RSBN1L: variants seen among roughly 807,000 people sequenced by gnomAD.
RSBN1L encodes round spermatid basic protein 1 like, also known as lysine-specific demethylase RSBN1L.
In RSBN1L, 30 loss-of-function variants were observed where a neutral mutation model predicts 67.7. The observed-to-expected ratio is 0.44, with a 90% CI of 0.33 to 0.60. RSBN1L has a LOEUF of 0.60. Ranked by LOEUF, RSBN1L falls within the 20% of genes least tolerant of loss-of-function variation. RSBN1L has a pLI of 0.02. For missense variants in RSBN1L, 992 were observed against 1,031.7 expected (o/e 0.96, Z 0.53); for synonymous variants, 433 against 387.0 (o/e 1.12, Z -1.39).
At chr7:77,700,143 C>T (rs186751277) in intron 1 of RSBN1L, among the ~76,000 whole-genome samples, 9 of 152,164 alleles carry the variant, frequency 5.9e-5, no homozygotes, top group African/African-American at 1.2e-4. Context: ...TTAGTGCTTA[C>T]GGAGGTAATT....
In RSBN1L at chr7:77,782,167, T is replaced by C. The variant is rs1415969918; in HGVS notation, c.*2999T>C. 5.3e-5 allele frequency: 8 copies of C among 152,170 alleles called. No homozygotes were observed. The highest frequency in any genetic ancestry group is 2.9e-5 in the Non-Finnish European group (2 of 68,034). 9.4% of individuals were successfully genotyped at this position (152,170 alleles called of 1,614,324 possible). A position where few individuals can be genotyped will look rare whatever the true frequency, so the allele number is the denominator to read the frequency against. ...ACCTTTGTTACATGCAAAAATTTTC[T>C]ATTTTAATATTGCATTATATTAATG... On this transcript the variant is annotated 3_prime_UTR_variant, in exon 8 of 8. Coordinates refer to ENST00000334955, the MANE Select transcript of RSBN1L (RefSeq NM_198467.3).
intron 1 of RSBN1L, among the ~76,000 whole-genome samples, chr7:77,712,306 G>A (rs1584276554): frequency 6.7e-6 from 1 of 148,568 alleles, no homozygotes; most frequent in Admixed American, 6.7e-5. Flanking sequence ...TTTTTGAGAC[G>A]GAGTTTCGCT....
chr7:77,736,095 C>A (rs3815222), intron 1 of RSBN1L, among the ~76,000 whole-genome samples: 15,423 of 152,080 alleles, frequency 0.1, 1,102 homozygotes, highest in African/African-American at 0.19. Flanking sequence ...ACTTTTCCAT[C>A]GTAGCTTTTG....
At chr7:77,751,242 C>T (rs1168884401) in intron 3 of RSBN1L, among the ~76,000 whole-genome samples, 6 of 152,148 alleles carry the variant, frequency 3.9e-5, no homozygotes, top group East Asian at 1.9e-4. Context: ...CGGGTTCAAG[C>T]GATTCTCCTG....
Position 77,782,273 on chromosome 7 carries a change from A to T in RSBN1L, c.*3105A>T, listed in dbSNP as rs1193431359. 6.6e-6 allele frequency: 1 copy of T among 152,208 alleles called. No homozygotes were observed. Among genetic ancestry groups the T allele is most frequent in the Non-Finnish European group, 1.5e-5 (1 of 68,036 alleles). 9.4% of individuals were successfully genotyped at this position (152,208 alleles called of 1,614,324 possible). A position where few individuals can be genotyped will look rare whatever the true frequency, so the allele number is the denominator to read the frequency against. On this transcript the variant is annotated 3_prime_UTR_variant, in exon 8 of 8. Coordinates refer to ENST00000334955, the MANE Select transcript of RSBN1L (RefSeq NM_198467.3). ...CAGTTTCTTGGACCAGAACAATAAA[A>T]TACATAAGACATCGTTTCTATATGG...
chr7:77,763,297 T>C (rs920669063), intron 3 of RSBN1L, among the ~76,000 whole-genome samples: 1 of 152,096 alleles, frequency 6.6e-6, no homozygotes, highest in Non-Finnish European at 1.5e-5. Flanking sequence ...ACTTTTTAGA[T>C]ATATTTCAAA....
At chr7:77,711,840 T>C (rs1029512056) in intron 1 of RSBN1L, among the ~76,000 whole-genome samples, 3 of 152,198 alleles carry the variant, frequency 2.0e-5, no homozygotes, top group African/African-American at 7.2e-5. Context: ...TATAGAATTA[T>C]GAGTGAAAAC....
At position 77,696,680 on chromosome 7, in the gene RSBN1L, CCGCCGGCAGCACCTT is replaced by C. The variant is rs758140589; in HGVS notation, c.216_230del (p.Ala73_Pro77del). 3.7e-6 allele frequency: 6 copies of C among 1,612,182 alleles called. No homozygotes were observed. In the East Asian group the frequency reaches 1.3e-4, roughly 36 times the overall value. ...CGGCGGGAACAGCAGGCAGCTGCAG[CCGCCGGCAGCACCTT>C]CGCCTCAGAGCTATGGCAGCCCCGC... On this transcript the variant is annotated inframe_deletion, in exon 1 of 8. Transcript: ENST00000334955.
At chr7:77,706,623 C>A (rs772289068) in intron 1 of RSBN1L, among the ~76,000 whole-genome samples, 16 of 152,126 alleles carry the variant, frequency 1.1e-4, no homozygotes, top group Admixed American at 3.9e-4. Flanking sequence ...GTGGGAAATT[C>A]AGTATAAATT....
chr7:77,713,715 C>A (rs1791008489), intron 1 of RSBN1L, among the ~76,000 whole-genome samples: 1 of 151,264 alleles, frequency 6.6e-6, no homozygotes, highest in Admixed American at 6.6e-5. Context: ...GTTGCCCAGG[C>A]TGATCTCAAA....
intron 1 of RSBN1L, among the ~76,000 whole-genome samples, chr7:77,722,662 C>G: frequency 6.6e-6 from 1 of 151,962 alleles, no homozygotes; most frequent in East Asian, 1.9e-4. Context: ...AATGTAACTG[C>G]TTTTCCTTCT....
chr7:77,767,519 A>G (rs1791785108), intron 4 of RSBN1L, among the ~76,000 whole-genome samples: 2 of 151,344 alleles, frequency 1.3e-5, no homozygotes, highest in Non-Finnish European at 2.9e-5. Flanking sequence ...GATTACAGAC[A>G]CACACTACCA....
rs35501995 is a variant in RSBN1L at position 77,714,958 on chromosome 7, C to CA, written c.586+17924dup. Among the ~76,000 whole-genome samples, 430 of 91,370 alleles carry CA rather than the reference C, an allele frequency of 4.7e-3. 4 individuals carry two copies. The highest frequency in any genetic ancestry group is 0.011 in the African/African-American group (258 of 23,364). The allele number at this position is 91,370 out of a possible 152,430, so 59.9% of individuals were successfully genotyped here. ...AGCCTGGGTGACAGAGACTCCATCTCAAAAAAAAAAAAAAAAAAAAATCTT... is the reference window on the plus strand; with the variant it reads ...AGCCTGGGTGACAGAGACTCCATCTCAAAAAAAAAAAAAAAAAAAAAATCTT... On this transcript the variant is annotated intron_variant, in intron 1 of 7. Transcript: ENST00000334955.
At chr7:77,720,763 C>CTTTTTTTTTTTTT (rs34070122) in intron 1 of RSBN1L, among the ~76,000 whole-genome samples, 45 of 104,364 alleles carry the variant, frequency 4.3e-4, no homozygotes, top group African/African-American at 8.8e-4. Flanking sequence ...TTTTCTTTTT[C>CTTTTTTTTTTTTT]TTTTTTTTTT....
At chr7:77,746,975 C>G (rs1233065331) in intron 2 of RSBN1L, among the ~76,000 whole-genome samples, 1 of 152,220 alleles carries the variant, frequency 6.6e-6, no homozygotes, top group Non-Finnish European at 1.5e-5. Context: ...GGTTCAGCCC[C>G]TGTGGCTGCT....
intron 3 of RSBN1L, among the ~76,000 whole-genome samples, chr7:77,750,875 A>G (rs2150426308): frequency 6.6e-6 from 1 of 152,328 alleles, no homozygotes; most frequent in South Asian, 2.1e-4. Flanking sequence ...AACACCTCTC[A>G]ATTTACAAAT....
intron 3 of RSBN1L, among the ~76,000 whole-genome samples, chr7:77,765,056 TG>T (rs1288955509): frequency 6.6e-6 from 1 of 152,230 alleles, no homozygotes; most frequent in African/African-American, 2.4e-5. Context: ...TATAAGCCAC[TG>T]TTGATGGTTA....
At chr7:77,708,754 T>C (rs566466594) in intron 1 of RSBN1L, among the ~76,000 whole-genome samples, 9 of 152,164 alleles carry the variant, frequency 5.9e-5, no homozygotes, top group Non-Finnish European at 1.0e-4. Flanking sequence ...CAAATTGGTA[T>C]TTTAGCAGTC....
intron 1 of RSBN1L, among the ~76,000 whole-genome samples, chr7:77,731,850 T>C (rs1031749959): frequency 7.2e-5 from 11 of 152,220 alleles, no homozygotes; most frequent in South Asian, 6.2e-4. Flanking sequence ...TTAGACTTTT[T>C]TTTTTTTGGT....
Sources: gnomAD v4.1 joint callset for allele counts (sites outside exome capture counted in the v4.1 genomes callset) on GRCh38, gnomAD v4.1.1 for gene constraint, MANE v1.5 for transcripts, NCBI Gene and HGNC (gene_info 2026-07-23, HGNC 2026-07-21) for gene names.